Variants in PCM1 observed in about 807,000 individuals in gnomAD.
The protein encoded by PCM1 is pericentriolar material 1.
In PCM1, 157 loss-of-function variants were observed where a neutral mutation model predicts 241.9. The observed-to-expected ratio is 0.65, with a 90% CI of 0.57 to 0.74. The LOEUF is 0.74. PCM1 is among the 30% of genes least tolerant of loss of function. PCM1 has a pLI of 0.00. For missense variants in PCM1, 3,478 were observed against 2,360.1 expected, an observed-to-expected ratio of 1.47 and a Z score of -9.81; for synonymous variants, 1,085 against 784.9, an observed-to-expected ratio of 1.38 and a Z score of -6.39.
In PCM1 at chr8:18,027,787, G is replaced by A; in HGVS notation, c.*125G>A. 1.7e-6 allele frequency: 1 copy of A among 582,516 alleles called. No homozygotes were observed. The highest frequency in any genetic ancestry group is 2.9e-6 in the Non-Finnish European group (1 of 341,806). 36.1% of individuals were successfully genotyped at this position (582,516 alleles called of 1,614,324 possible). ...GTTTGACACTGCTTTTTTGATAGGT[G>A]TGGTCATTTCTCCCCATGGTAGTTT... On this transcript the variant is annotated 3_prime_UTR_variant, in exon 39 of 39. Transcript: ENST00000325083.
At chr8:17,979,397 C>A (rs1246220415) in intron 23 of PCM1, among the ~76,000 whole-genome samples, 4 of 152,064 alleles carry the variant, frequency 2.6e-5, no homozygotes, top group Non-Finnish European at 5.9e-5. Flanking sequence ...TAAGAAAGCC[C>A]AAGAGATACT....
At position 18,011,741 on chromosome 8, in the gene PCM1, G is replaced by A. The variant is rs936084614; in HGVS notation, c.5425G>A (p.Glu1809Lys). ...AGATGAAAATGAGGATGAAGAAATG[G>A]AAGAATTTGAAGAAGGCCCTGTGGA... is the stretch of plus-strand genomic sequence containing the variant. ...GEDENEDEEM[E>K]EFEEGPVDVQ... The change falls in exon 34 of 39, where the codon GAA (glutamate) becomes AAA (lysine). Residue 1809 changes from glutamate to lysine, a missense_variant. Physicochemically the swap from Glu to Lys is moderately conservative, Grantham distance 56. Transcript: ENST00000325083. The A allele has an allele frequency of 6.2e-7, 1 of 1,613,630 alleles. No individual in the cohort carries two copies. The highest frequency in any genetic ancestry group is 8.5e-7 in the Non-Finnish European group (1 of 1,179,708).
chr8:17,954,849 C>T (rs2067462952), intron 9 of PCM1, among the ~76,000 whole-genome samples: 1 of 152,078 alleles, frequency 6.6e-6, no homozygotes, highest in South Asian at 2.1e-4. Flanking sequence ...GAGGATTAGC[C>T]ATTATCTAAA....
chr8:17,999,242 A>G (rs941279247), intron 29 of PCM1, among the ~76,000 whole-genome samples: 1 of 152,070 alleles, frequency 6.6e-6, no homozygotes, highest in Admixed American at 6.5e-5. Flanking sequence ...ATCACAGCTC[A>G]GTATACGTTG....
At chr8:17,951,723 C>G (rs1032137554) in intron 8 of PCM1, among the ~76,000 whole-genome samples, 2 of 152,074 alleles carry the variant, frequency 1.3e-5, no homozygotes, top group African/African-American at 2.4e-5. Flanking sequence ...ATGCCTGATT[C>G]CAGGTTGGGG....
At chr8:18,014,386 TGA>T (rs1353204760) in intron 35 of PCM1, among the ~76,000 whole-genome samples, 196 bp from the exon 36 acceptor site, 3 of 113,038 alleles carry the variant, frequency 2.7e-5, no homozygotes, top group Non-Finnish European at 2.4e-5. Context: ...TTCAGGAATC[TGA>T]GTCTTAAAAT....
In PCM1 at chr8:17,966,399, T is replaced by G. The variant is rs1436564299; in HGVS notation, c.3147T>G (p.Pro1049=). The G allele has an allele frequency of 2.5e-6, 4 of 1,613,512 alleles. No homozygotes were observed. The African/African-American group carries it at 4.0e-5, about 16-fold the overall frequency. The change falls in exon 20 of 39, where the codon CCT becomes CCG. Residue 1049 remains proline (P), a synonymous_variant. Coordinates refer to ENST00000325083, the MANE Select transcript of PCM1 (RefSeq NM_006197.4). The part of the protein sequence containing the change: ...YSVMPSNVAS[P]QVHFIMHQLN... The stretch of plus-strand genomic sequence containing the variant: ...TTATGCCCAGCAATGTTGCATCTCC[T>G]CAAGTACACTTCATAATGCACCAGT...
chr8:17,970,282 C>G (rs1043042203), intron 22 of PCM1, among the ~76,000 whole-genome samples: 1 of 152,116 alleles, frequency 6.6e-6, no homozygotes, highest in Non-Finnish European at 1.5e-5. Context: ...TGAACCTAGT[C>G]TGTCAGATGT....
chr8:18,027,669 T>C lies in PCM1; in HGVS notation c.*7T>C, dbSNP rs1324270155. 6.3e-7 allele frequency: 1 copy of C among 1,583,660 alleles called. No individual in the cohort carries two copies. Among genetic ancestry groups the C allele is most frequent in the Non-Finnish European group, 8.6e-7 (1 of 1,157,686 alleles). ...GGGAGCCCAGAGTATATGAGATGTC[T>C]TCAGAGGCTCATCTAACTCTGTCCT... On this transcript the variant is annotated 3_prime_UTR_variant, in exon 39 of 39. Transcript: ENST00000325083.
At chr8:17,932,967 T>C (rs967571124) in intron 2 of PCM1, among the ~76,000 whole-genome samples, 4 of 152,190 alleles carry the variant, frequency 2.6e-5, no homozygotes, top group African/African-American at 9.6e-5. Flanking sequence ...ATATGTACCA[T>C]CCTTGGGAGA....
intron 26 of PCM1, among the ~76,000 whole-genome samples, chr8:17,989,559 G>A (rs1019945752): frequency 6.6e-6 from 1 of 152,020 alleles, no homozygotes; most frequent in Non-Finnish European, 1.5e-5. Flanking sequence ...TGAGAGTATA[G>A]AAATAATGTA....
chr8:17,940,695 C>T (rs1241204125), intron 6 of PCM1, among the ~76,000 whole-genome samples: 2 of 152,048 alleles, frequency 1.3e-5, no homozygotes, highest in Non-Finnish European at 2.9e-5. Flanking sequence ...GACTTATTCA[C>T]AATGAGAAAA....
intron 17 of PCM1, 70 bp from the exon 18 acceptor site, chr8:17,964,498 C>T (rs1243946422): frequency 4.4e-6 from 5 of 1,138,320 alleles, no homozygotes; most frequent in Non-Finnish European, 6.3e-6. Flanking sequence ...CAATGTCTGG[C>T]ACATAGTAGG....
intron 3 of PCM1, among the ~76,000 whole-genome samples, chr8:17,936,526 G>T (rs79135392): frequency 1.3e-5 from 2 of 152,034 alleles, no homozygotes; most frequent in African/African-American, 4.8e-5. Context: ...CATATTAGCT[G>T]TTACCATGTA....
chr8:17,986,858 C>A (rs1261195938), intron 26 of PCM1, among the ~76,000 whole-genome samples: 1 of 151,766 alleles, frequency 6.6e-6, no homozygotes, highest in African/African-American at 2.4e-5. Flanking sequence ...AGTTGATTAG[C>A]AAATATCAGC....
At chr8:18,024,600 T>A (rs1298817492) in intron 36 of PCM1, among the ~76,000 whole-genome samples, 1 of 152,178 alleles carries the variant, frequency 6.6e-6, no homozygotes, top group African/African-American at 2.4e-5. Flanking sequence ...AAGTCAAAGG[T>A]AGATTATAAA....
At chr8:17,939,359 T>TTTTATATAACTTTTGTATA (rs2061364815) in intron 5 of PCM1, among the ~76,000 whole-genome samples, 1 of 151,672 alleles carries the variant, frequency 6.6e-6, no homozygotes, top group African/African-American at 2.4e-5. Context: ...AAAACTATAA[T>TTTTATATAACTTTTGTATA]ACATTTAATT....
At chr8:17,977,538 G>C (rs182881079) in intron 23 of PCM1, among the ~76,000 whole-genome samples, 1 of 152,298 alleles carries the variant, frequency 6.6e-6, no homozygotes, top group Admixed American at 6.5e-5. Flanking sequence ...AGTGTCAGGA[G>C]CATGGTCAGA....
chr8:17,927,952 A>AAAAC (rs1554594563), intron 2 of PCM1: 4 of 151,528 alleles, frequency 2.6e-5, no homozygotes, highest in African/African-American at 9.8e-5. Context: ...AAAAAAAAAA[A>AAAAC]AACCACTAAG....
Sources: allele counts gnomAD v4.1 joint callset (sites outside exome capture counted in the v4.1 genomes callset), GRCh38; gene constraint gnomAD v4.1.1; transcripts MANE v1.5; gene names NCBI Gene and HGNC (gene_info 2026-07-23, HGNC 2026-07-21).